The following AMMECR1 variants were observed in gnomAD, a reference collection of about 807,000 sequenced individuals.
AMMECR1 encodes AMMECR nuclear protein 1, also known as nuclear protein AMMECR1.
AMMECR1 carries 3 observed loss-of-function variants against 22.5 expected under a neutral mutation model. The observed-to-expected ratio is 0.13, with a 90% confidence interval of 0.06 to 0.35. The LOEUF is 0.35. Among genes scored for constraint, AMMECR1 ranks in the 10% least tolerant of loss-of-function variants. The pLI, the probability that AMMECR1 is intolerant of heterozygous loss-of-function variation, is 1.00. For synonymous variants in AMMECR1, 130 were observed against 116.7 expected, an observed-to-expected ratio of 1.11 and a Z score of -0.74; for missense variants, 235 against 278.7, an observed-to-expected ratio of 0.84 and a Z score of 1.12.
intron 2 of AMMECR1, among the ~76,000 whole-genome samples, chrX:110,339,654 G>T (rs1256730241): frequency 5.5e-5 from 6 of 109,402 alleles, no homozygotes; most frequent in Non-Finnish European, 1.1e-4. Flanking sequence ...GCGCCACCAC[G>T]CCCGGCTAAT....
chrX:110,338,979 G>C (rs1049063044), intron 2 of AMMECR1, among the ~76,000 whole-genome samples: 11 of 111,675 alleles, frequency 9.9e-5, no homozygotes, highest in African/African-American at 3.6e-4. Context: ...ATATGGTGCT[G>C]CATACCTTGG....
intron 1 of AMMECR1, among the ~76,000 whole-genome samples, chrX:110,274,060 T>C (rs763357413): frequency 1.8e-5 from 2 of 112,220 alleles, no homozygotes; most frequent in African/African-American, 6.5e-5. Context: ...GTGGAATCTG[T>C]AGATTGCTTT....
chrX:110,436,539 A>T (rs1183977667), intron 1 of AMMECR1, among the ~76,000 whole-genome samples: 1 of 112,069 alleles, frequency 8.9e-6, no homozygotes, highest in Non-Finnish European at 1.9e-5. Flanking sequence ...CCATAAGCCT[A>T]ACTAGGGATG....
intron 2 of AMMECR1, among the ~76,000 whole-genome samples, chrX:110,401,553 G>A (rs769135048): frequency 5.6e-4 from 62 of 111,697 alleles, no homozygotes; most frequent in Non-Finnish European, 9.8e-4. Context: ...TAGCTCCCAC[G>A]GGAGGCATGT....
In AMMECR1 at chrX:110,317,812, G is replaced by A. The variant is rs1437917574; in HGVS notation, c.260C>T (p.Pro87Leu). The change falls in exon 1 of 6, where the codon CCA (proline) becomes CTA (leucine). Residue 87 changes from proline (P) to leucine (L), a missense_variant. This residue lies in a region of AMMECR1 where 124 missense variants were observed against 97.0 expected (regional missense o/e 1.28). Transcript: ENST00000262844. Reference sequence around the variant, plus strand: ...GGTCCCCACTCCGCAGCTCGGAGGTGGCGACAGGGCGATCCCCCCGCCGCC... The same window carrying A: ...GGTCCCCACTCCGCAGCTCGGAGGTAGCGACAGGGCGATCCCCCCGCCGCC... ...GGGGGGIALS[P>L]PPSCGVGTLL... 8.6e-7 allele frequency: 1 copy of A among 1,160,196 alleles called. No individual in the cohort carries two copies. Among genetic ancestry groups the A allele is most frequent in the Non-Finnish European group, 1.2e-6 (1 of 869,505 alleles).
intron 2 of AMMECR1, among the ~76,000 whole-genome samples, chrX:110,334,845 T>A (rs2068134997): frequency 8.9e-6 from 1 of 111,864 alleles, no homozygotes; most frequent in Admixed American, 9.5e-5. Context: ...CCTTGGCACA[T>A]TTCTGCCTGC....
intron 1 of AMMECR1, among the ~76,000 whole-genome samples, chrX:110,304,677 CA>C (rs1236918953): frequency 8.9e-6 from 1 of 112,116 alleles, no homozygotes; most frequent in Non-Finnish European, 1.9e-5. Flanking sequence ...CATAATTAAA[CA>C]GACAAAGAGA....
At chrX:110,212,197 A>G (rs922743992) in intron 3 of AMMECR1, among the ~76,000 whole-genome samples, 1 of 112,100 alleles carries the variant, frequency 8.9e-6, no homozygotes, top group East Asian at 2.8e-4. Context: ...ACCTTGCATG[A>G]AAAAGACAGT....
At chrX:110,207,593 TCA>T (rs1337144222) in intron 3 of AMMECR1, among the ~76,000 whole-genome samples, 6 of 111,235 alleles carry the variant, frequency 5.4e-5, no homozygotes, top group African/African-American at 1.6e-4. Flanking sequence ...CATCAAATCC[TCA>T]CAGTTGTTAC....
At chrX:110,216,332 G>A (rs2067473388) in intron 3 of AMMECR1, among the ~76,000 whole-genome samples, 186 bp downstream of exon 3, 1 of 111,605 alleles carries the variant, frequency 9.0e-6, no homozygotes, top group Non-Finnish European at 1.9e-5. Context: ...ACAACACGTG[G>A]CACTTTGTCC....
chrX:110,345,234 C>T (rs1189721158), intron 2 of AMMECR1, among the ~76,000 whole-genome samples: 3 of 110,625 alleles, frequency 2.7e-5, no homozygotes, highest in Non-Finnish European at 5.7e-5. Flanking sequence ...TCTCAGCAAA[C>T]TATCACAAGG....
chrX:110,413,781 A>C (rs993470903), intron 2 of AMMECR1, among the ~76,000 whole-genome samples: 10 of 110,922 alleles, frequency 9.0e-5, no homozygotes, highest in African/African-American at 3.3e-4. Context: ...CCATCCCATC[A>C]GCCCCTTTCA....
At chrX:110,274,094 T>C (rs920152867) in intron 1 of AMMECR1, among the ~76,000 whole-genome samples, 2 of 112,221 alleles carry the variant, frequency 1.8e-5, no homozygotes, top group East Asian at 5.5e-4. Flanking sequence ...ATTTTAACAA[T>C]ATTGATTCTT....
chrX:110,374,924 G>A (rs2068365813), intron 2 of AMMECR1, among the ~76,000 whole-genome samples: 1 of 111,175 alleles, frequency 9.0e-6, no homozygotes, highest in Non-Finnish European at 1.9e-5. Flanking sequence ...ATGGGCAATT[G>A]GAAGTCCCTT....
At chrX:110,321,102 A>G (rs2068077249), upstream of AMMECR1, among the ~76,000 whole-genome samples, 1 of 112,005 alleles carries the variant, frequency 8.9e-6, no homozygotes, top group South Asian at 3.7e-4. Flanking sequence ...TCAAACATAA[A>G]CTAAATCCAC....
intron 2 of AMMECR1, among the ~76,000 whole-genome samples, chrX:110,387,647 A>G (rs1164822632): frequency 8.9e-6 from 1 of 111,778 alleles, no homozygotes; most frequent in East Asian, 2.8e-4. Context: ...ACTAAAACCC[A>G]CAGAGAATTT....
Position 110,346,820 on chromosome X carries a change from C to G in AMMECR1, c.-147-28971G>C, listed in dbSNP as rs756499365. ...AGAATTGTTTCAAGTCTGCAGCTGC[C>G]TGGGAAACTTTTACGCTGTTGAGCC... On this transcript the variant is annotated intron_variant, in intron 2 of 7. Coordinates refer to the AMMECR1 transcript ENST00000372057. 1.1e-5 allele frequency: 8 copies of G among 719,975 alleles called. No homozygotes were observed. In the East Asian group the frequency reaches 2.5e-4, roughly 23 times the overall value. 59.3% of individuals were successfully genotyped at this position (719,975 alleles called of 1,213,427 possible).
Position 110,420,913 on chromosome X carries a change from C to T in AMMECR1, c.-148+5745G>A, listed in dbSNP as rs149692026. Among the ~76,000 whole-genome samples, 693 of 111,772 alleles carry T rather than the reference C, an allele frequency of 6.2e-3. 2 individuals carry two copies. Among genetic ancestry groups the T allele is most frequent in the Non-Finnish European group, 0.01 (558 of 53,165 alleles). On this transcript the variant is annotated intron_variant, in intron 2 of 7. Transcript: ENST00000372057. ...ACTGTGCCCCGTCCATCACACACAG[C>T]GCCCTGCACAACATACCCAGTCATT...
At chrX:110,342,531 C>G (rs750006225) in intron 2 of AMMECR1, among the ~76,000 whole-genome samples, 6 of 110,904 alleles carry the variant, frequency 5.4e-5, no homozygotes, top group Admixed American at 9.6e-5. Context: ...GCCACCACGC[C>G]TGGCTAATTT....
Sources: allele counts gnomAD v4.1 joint callset (sites outside exome capture counted in the v4.1 genomes callset), GRCh38; gene constraint gnomAD v4.1.1; regional missense constraint gnomAD v4.1.1; transcripts MANE v1.5; gene names NCBI Gene and HGNC (gene_info 2026-07-23, HGNC 2026-07-21).